The following MORN4 variants were observed in gnomAD, a reference collection of about 807,000 sequenced individuals.
MORN4 encodes MORN repeat-containing protein 4.
A neutral mutation model predicts 16.4 loss-of-function variants in MORN4; 8 were observed. That is an observed-to-expected ratio of 0.49 (90% CI 0.29 to 0.88). The LOEUF (loss-of-function observed/expected upper bound fraction) is 0.88. Among genes scored for constraint, MORN4 ranks in the 40% least tolerant of loss-of-function variants. The pLI is 0.09. For synonymous variants in MORN4, 53 were observed against 68.9 expected (o/e 0.77, Z 1.14); for missense variants, 159 against 182.9 (o/e 0.87, Z 0.75).
chr10:97,620,889 G>A (rs1011544526), intron 1 of MORN4, among the ~76,000 whole-genome samples: 2 of 152,142 alleles, frequency 1.3e-5, no homozygotes, highest in African/African-American at 4.8e-5. Flanking sequence ...TTGTGAGGCC[G>A]AGGTGGGCGG....
intron 2 of MORN4, 157 bp downstream of exon 2, chr10:97,619,430 T>G: frequency 1.5e-6 from 1 of 656,274 alleles, no homozygotes; most frequent in South Asian, 1.8e-5. Flanking sequence ...ATTCCTTTAT[T>G]TAATCCTAAA....
At chr10:97,622,566 G>A (rs1417485245) in intron 1 of MORN4, among the ~76,000 whole-genome samples, 3 of 151,462 alleles carry the variant, frequency 2.0e-5, no homozygotes, top group African/African-American at 4.9e-5. Flanking sequence ...GTGGTGGTGC[G>A]TTCCTGTAGT....
intron 1 of MORN4, among the ~76,000 whole-genome samples, chr10:97,622,492 C>A (rs973307177): frequency 6.6e-6 from 1 of 151,808 alleles, no homozygotes; most frequent in Non-Finnish European, 1.5e-5. Context: ...TTGAGACCAG[C>A]CTGGGCAATA....
At chr10:97,626,131 A>C (rs2041344242) in intron 1 of MORN4, among the ~76,000 whole-genome samples, 1 of 148,988 alleles carries the variant, frequency 6.7e-6, no homozygotes, top group South Asian at 2.1e-4. Flanking sequence ...CTGTAATCCC[A>C]GCACTTTGGG....
intron 1 of MORN4, among the ~76,000 whole-genome samples, chr10:97,622,610 G>A (rs576414668): frequency 6.1e-4 from 91 of 148,822 alleles, no homozygotes; most frequent in African/African-American, 1.9e-3. Context: ...TGGAAGGATC[G>A]CTTGAACCCA....
At position 97,617,221 on chromosome 10, in the gene MORN4, A is replaced by G. The variant is rs959070984; in HGVS notation, c.169T>C (p.Ser57Pro). ...CCTCATACCCACCTTGAACCATCTGAGAAGGTCAATACCCCAAAGCCATTA... is the reference window on the plus strand; with the variant it reads ...CCTCATACCCACCTTGAACCATCTGGGAAGGTCAATACCCCAAAGCCATTA... ...LFNGFGVLTFSDGSRYEGEFA... is the reference protein window; with the variant it reads ...LFNGFGVLTFPDGSRYEGEFA... Residue 57 changes from serine (S) to proline (P), a missense_variant, in exon 3 of 5, where the codon TCA becomes CCA. Ser to Pro is a moderately conservative substitution (Grantham distance 74). Coordinates refer to ENST00000307450, the MANE Select transcript of MORN4 (RefSeq NM_178832.4). The G allele has an allele frequency of 5.6e-6, 9 of 1,613,844 alleles. No individual in the cohort carries two copies. In the African/African-American group the frequency reaches 1.2e-4, roughly 22 times the overall value.
chr10:97,626,813 A>G (rs1489649855), intron 1 of MORN4, among the ~76,000 whole-genome samples: 4 of 143,612 alleles, frequency 2.8e-5, no homozygotes, highest in Non-Finnish European at 4.5e-5. Context: ...GCTGGAGTGC[A>G]ATGGTGCAGT....
At chr10:97,624,934 C>A (rs1266670167) in intron 1 of MORN4, among the ~76,000 whole-genome samples, 1 of 152,168 alleles carries the variant, frequency 6.6e-6, no homozygotes, top group Non-Finnish European at 1.5e-5. Context: ...CTCAGGTGAT[C>A]CACCTGCCGC....
At chr10:97,617,506 C>T (rs1170595897) in intron 2 of MORN4, among the ~76,000 whole-genome samples, 184 bp from the exon 3 acceptor site, 7 of 152,166 alleles carry the variant, frequency 4.6e-5, no homozygotes, top group Admixed American at 4.6e-4. Flanking sequence ...CTCCTGGGGC[C>T]TTCCCATCTT....
intron 2 of MORN4, 27 bp from the exon 3 acceptor site, chr10:97,617,349 G>A (rs2041245569): frequency 1.3e-6 from 2 of 1,595,374 alleles, no homozygotes; most frequent in African/African-American, 2.7e-5. Flanking sequence ...ATAGGTGTCA[G>A]GTTGGAAGGA....
chr10:97,628,845 T>A (rs980683298), intron 1 of MORN4, among the ~76,000 whole-genome samples: 1 of 152,184 alleles, frequency 6.6e-6, no homozygotes, highest in Non-Finnish European at 1.5e-5. Context: ...AACCACTTTT[T>A]TAGTATGCTG....
intron 1 of MORN4, among the ~76,000 whole-genome samples, chr10:97,622,342 C>G (rs1000365068): frequency 1.3e-5 from 2 of 152,104 alleles, no homozygotes; most frequent in Non-Finnish European, 2.9e-5. Context: ...CATTTGGGGA[C>G]TGGCTAGATA....
chr10:97,626,429 A>G lies in MORN4; in HGVS notation c.-30-6746T>C, dbSNP rs2041347974. On this transcript the variant is annotated intron_variant, in intron 1 of 4. Transcript: ENST00000307450. ...CATAATCATAATCATAATCATAATC[A>G]TAATATGTTCTGATGCTTGTTCTCT... Among the ~76,000 whole-genome samples, 5 of 125,770 alleles carry G rather than the reference A, an allele frequency of 4.0e-5. No homozygotes were observed. The Admixed American group carries it at 4.1e-4, about 10-fold the overall frequency. 82.5% of individuals were successfully genotyped at this position (125,770 alleles called of 152,430 possible).
intron 1 of MORN4, among the ~76,000 whole-genome samples, chr10:97,620,535 A>T (rs1372138205): frequency 6.6e-6 from 1 of 151,496 alleles, no homozygotes; most frequent in Admixed American, 6.6e-5. Flanking sequence ...ATGGGGAACC[A>T]ACACTCAAAG....
intron 3 of MORN4, 90 bp downstream of exon 3, chr10:97,617,115 AAGG>A (rs1286112893): frequency 2.1e-6 from 2 of 953,770 alleles, no homozygotes; most frequent in Admixed American, 1.8e-5. Context: ...GGAGTGAGAC[AAGG>A]TCAGGATTGA....
intron 2 of MORN4, 145 bp downstream of exon 2, chr10:97,619,442 T>C (rs2041268454): frequency 1.4e-6 from 1 of 689,878 alleles, no homozygotes; most frequent in South Asian, 1.7e-5. Context: ...AATCCTAAAA[T>C]GGAATAAAGG....
Position 97,616,412 on chromosome 10 carries a change from C to CAAAACCATCTACTCTGCCA in MORN4, c.293-2_293-1insTGGCAGAGTAGATGGTTTT, listed in dbSNP as rs769838839. 1 of 1,595,204 alleles carries CAAAACCATCTACTCTGCCA rather than the reference C, an allele frequency of 6.3e-7. No individual in the cohort carries two copies. Among genetic ancestry groups the CAAAACCATCTACTCTGCCA allele is most frequent in the Non-Finnish European group, 8.5e-7 (1 of 1,170,828 alleles). ...GAACCATCAGGGAAAGTCAGCAGGC[C>CAAAACCATCTACTCTGCCA]TTTGAGGAGGGCAGAGAAAATATGG... is the stretch of plus-strand genomic sequence containing the variant. On this transcript the variant is annotated splice_acceptor_variant, in intron 4 of 4. Coordinates refer to ENST00000307450, the MANE Select transcript of MORN4 (RefSeq NM_178832.4). LOFTEE classifies it high-confidence loss of function.
chr10:97,616,474 T>TTA, intron 4 of MORN4, 63 bp from the exon 5 acceptor site: 1 of 1,524,970 alleles, frequency 6.6e-7, no homozygotes, highest in Non-Finnish European at 8.8e-7. Flanking sequence ...AGATGAGACA[T>TTA]ATCTTTGGCC....
At chr10:97,633,983 C>A (rs891265558), upstream of MORN4, among the ~76,000 whole-genome samples, 3 of 152,160 alleles carry the variant, frequency 2.0e-5, no homozygotes, top group Non-Finnish European at 4.4e-5. This position sits in a 1 kb window ranked among gnomAD's most constrained non-coding sequence, Gnocchi z 4.5. Context: ...TATCTAGATC[C>A]TTTTTGTTTA....
Sources: gnomAD v4.1 joint callset for allele counts (sites outside exome capture counted in the v4.1 genomes callset) on GRCh38, gnomAD v4.1.1 for gene constraint, Gnocchi (gnomAD v3.1) non-coding constraint, MANE v1.5 for transcripts, NCBI Gene and HGNC (gene_info 2026-07-23, HGNC 2026-07-21) for gene names.